Variants in RNF150 observed in about 807,000 individuals in gnomAD.
RNF150 encodes the protein ring finger protein 150.
In RNF150, 24 loss-of-function variants were observed where a neutral mutation model predicts 39.3. That is an observed-to-expected ratio of 0.61 (90% CI 0.44 to 0.86). RNF150 has a LOEUF of 0.86. Among genes scored for constraint, RNF150 ranks in the 40% least tolerant of loss-of-function variants. The probability of loss-of-function intolerance (pLI) is 0.00; values close to 1 mark genes in which losing one functional copy is unlikely to be tolerated. For missense variants in RNF150, 502 were observed against 587.8 expected (o/e 0.85, Z 1.51); for synonymous variants, 255 against 227.3 (o/e 1.12, Z -1.10).
At chr4:140,900,511 C>T (rs1730151482) in intron 6 of RNF150, among the ~76,000 whole-genome samples, 1 of 152,160 alleles carries the variant, frequency 6.6e-6, no homozygotes, top group South Asian at 2.1e-4. Flanking sequence ...TAAATAACTA[C>T]AAGCAAGCAA....
At chr4:141,042,113 G>T (rs1054061129) in intron 1 of RNF150, among the ~76,000 whole-genome samples, 1 of 151,984 alleles carries the variant, frequency 6.6e-6, no homozygotes, top group Non-Finnish European at 1.5e-5. Context: ...TGCTCTGGCA[G>T]TTGACATTTG....
chr4:141,208,737 T>C (rs1728416371), intron 1 of RNF150, among the ~76,000 whole-genome samples: 1 of 152,220 alleles, frequency 6.6e-6, no homozygotes, highest in Admixed American at 6.5e-5. Flanking sequence ...TGAGATTTGA[T>C]ACTACTTGCA....
At chr4:141,159,570 C>A (rs1012604848) in intron 1 of RNF150, among the ~76,000 whole-genome samples, 4 of 151,750 alleles carry the variant, frequency 2.6e-5, no homozygotes, top group Non-Finnish European at 1.5e-5. Flanking sequence ...TTTAATAGGG[C>A]CTTGCTGTGT....
upstream of RNF150, among the ~76,000 whole-genome samples, chr4:141,136,440 A>T (rs890117362): frequency 1.1e-4 from 16 of 152,236 alleles, no homozygotes; most frequent in Non-Finnish European, 2.2e-4. Flanking sequence ...TATTTTTAAT[A>T]AGTCAAAAGT....
At chr4:140,897,331 G>A (rs958407143) in intron 6 of RNF150, among the ~76,000 whole-genome samples, 1 of 152,144 alleles carries the variant, frequency 6.6e-6, no homozygotes. Context: ...CTCTGGGGTT[G>A]CTGGGCATAC....
intron 1 of RNF150, among the ~76,000 whole-genome samples, chr4:140,992,731 T>C (rs1048317064): frequency 6.6e-6 from 1 of 152,138 alleles, no homozygotes; most frequent in Non-Finnish European, 1.5e-5. Context: ...GACACAGTCA[T>C]GAGCCATTCT....
chr4:140,883,337 T>C (rs6811265), intron 6 of RNF150, among the ~76,000 whole-genome samples: 21,559 of 152,184 alleles, frequency 0.14, 1,798 homozygotes, highest in East Asian at 0.38. Context: ...CACAGTATTG[T>C]GTATTTGTCT....
chr4:140,999,961 A>C (rs1325786470), intron 1 of RNF150, among the ~76,000 whole-genome samples: 4 of 35,000 alleles, frequency 1.1e-4, no homozygotes, highest in South Asian at 2.9e-3. Context: ...GAAGAAGAAG[A>C]AGAAGAAGAA....
intron 1 of RNF150, among the ~76,000 whole-genome samples, chr4:141,023,742 C>T (rs1735588181): frequency 6.6e-6 from 1 of 152,144 alleles, no homozygotes; most frequent in South Asian, 2.1e-4. Context: ...CAGCTAGTGG[C>T]TACCACGTTG....
intron 4 of RNF150, among the ~76,000 whole-genome samples, chr4:140,939,544 G>T (rs1001060131): frequency 1.3e-5 from 2 of 151,918 alleles, no homozygotes; most frequent in Non-Finnish European, 2.9e-5. Context: ...AAGTGCTTTG[G>T]GGCTGGATAA....
intron 1 of RNF150, among the ~76,000 whole-genome samples, chr4:141,131,524 T>TA (rs1270524031): frequency 3.9e-5 from 6 of 152,180 alleles, no homozygotes; most frequent in African/African-American, 1.4e-4. Context: ...GCATATGCGG[T>TA]ATTGAGTTTT....
rs1739384428 is a variant in RNF150 at position 141,111,546 on chromosome 4, AG to A, written c.484+20778del. ...TCCACACTTGTGTTCAGAGGAAAAA[AG>A]GAATACTAAAGCTTTCTAATAAGAA... is the stretch of plus-strand genomic sequence containing the variant. On this transcript the variant is annotated intron_variant, in intron 1 of 6. Coordinates refer to ENST00000515673, the MANE Select transcript of RNF150 (RefSeq NM_020724.2). Among the ~76,000 whole-genome samples the A allele has an allele frequency of 4.6e-5, 7 of 152,346 alleles. No homozygotes were observed. The South Asian group carries it at 1.0e-3, about 23-fold the overall frequency.
chr4:141,098,959 T>C (rs1223400816), intron 1 of RNF150, among the ~76,000 whole-genome samples: 1 of 152,170 alleles, frequency 6.6e-6, no homozygotes, highest in African/African-American at 2.4e-5. Context: ...TGGAGTTCCT[T>C]GAGCACTTCC....
intron 1 of RNF150, among the ~76,000 whole-genome samples, chr4:141,161,321 T>G (rs977421138): frequency 6.6e-6 from 1 of 152,142 alleles, no homozygotes; most frequent in African/African-American, 2.4e-5. Flanking sequence ...GCAGAAAAAG[T>G]TTGTAAGCAG....
chr4:140,908,624 A>G (rs560869713), intron 6 of RNF150, among the ~76,000 whole-genome samples: 1 of 152,168 alleles, frequency 6.6e-6, no homozygotes, highest in Admixed American at 6.5e-5. Context: ...AAGTCATTCA[A>G]TAAACATCTA....
chr4:141,045,797 G>A (rs2110873652), intron 1 of RNF150, among the ~76,000 whole-genome samples: 1 of 152,184 alleles, frequency 6.6e-6, no homozygotes, highest in African/African-American at 2.4e-5. Context: ...GCCCACCTCA[G>A]CCTCTCAAAG....
chr4:141,028,902 G>A (rs1354835), intron 1 of RNF150, among the ~76,000 whole-genome samples: 47,340 of 151,980 alleles, frequency 0.31, 8,062 homozygotes, highest in East Asian at 0.62. Flanking sequence ...CAATAACATT[G>A]ATACAGAAAA....
intron 1 of RNF150, among the ~76,000 whole-genome samples, chr4:141,029,255 G>A (rs7657499): frequency 0.17 from 26,173 of 152,100 alleles, 3,148 homozygotes; most frequent in East Asian, 0.5. Context: ...CATTGATAAT[G>A]TATAGAAACA....
At chr4:140,899,230 C>T (rs1022983729) in intron 6 of RNF150, among the ~76,000 whole-genome samples, 1 of 152,122 alleles carries the variant, frequency 6.6e-6, no homozygotes, top group African/African-American at 2.4e-5. Flanking sequence ...CGTGCTTTGC[C>T]TCAAAAGGGC....
Sources: allele counts gnomAD v4.1 joint callset (sites outside exome capture counted in the v4.1 genomes callset), GRCh38; gene constraint gnomAD v4.1.1; transcripts MANE v1.5; gene names NCBI Gene and HGNC (gene_info 2026-07-23, HGNC 2026-07-21).